NAV2: variants seen among roughly 807,000 people sequenced by gnomAD.
NAV2 encodes the protein neuron navigator 2.
Under a neutral mutation model 223.2 loss-of-function variants are expected in NAV2, and 54 were observed. That is an observed-to-expected ratio of 0.24 (90% CI 0.19 to 0.30). The LOEUF is 0.30. Among genes scored for constraint, NAV2 ranks in the 10% least tolerant of loss-of-function variants. NAV2 has a pLI of 1.00. For synonymous variants in NAV2, 1,279 were observed against 1,239.3 expected, an observed-to-expected ratio of 1.03 and a Z score of -0.67; for missense variants, 2,806 against 3,147.5, an observed-to-expected ratio of 0.89 and a Z score of 2.60.
intron 1 of NAV2, among the ~76,000 whole-genome samples, chr11:19,421,381 C>A (rs551633907): frequency 6.6e-6 from 1 of 152,236 alleles, no homozygotes; most frequent in Admixed American, 6.5e-5. Flanking sequence ...TGTGTCCATG[C>A]TGGGGGAAGG....
chr11:19,974,923 C>T (rs1050247719), intron 10 of NAV2, among the ~76,000 whole-genome samples: 18 of 152,124 alleles, frequency 1.2e-4, no homozygotes, highest in Admixed American at 2.6e-4. Flanking sequence ...ATACATCTTG[C>T]GTGTATGAAG....
At chr11:20,090,137 C>T (rs1182100060) in intron 26 of NAV2, among the ~76,000 whole-genome samples, 1 of 152,160 alleles carries the variant, frequency 6.6e-6, no homozygotes, top group East Asian at 1.9e-4. Context: ...AGATTAACAC[C>T]TTCCACGCAT....
At chr11:19,943,263 A>G (rs558498301) in intron 8 of NAV2, among the ~76,000 whole-genome samples, 6 of 152,352 alleles carry the variant, frequency 3.9e-5, no homozygotes, top group African/African-American at 1.4e-4. Context: ...CCCAGAAGGT[A>G]GATGCAGTTA....
At chr11:19,687,872 C>T (rs1309973450) in intron 1 of NAV2, among the ~76,000 whole-genome samples, 1 of 152,148 alleles carries the variant, frequency 6.6e-6, no homozygotes, top group Non-Finnish European at 1.5e-5. Context: ...AGTGCCTCAA[C>T]CTCTTGAGTT....
rs916069988 is a variant in NAV2 at position 19,364,602 on chromosome 11, C to T, written c.75+13575C>T. Among the ~76,000 whole-genome samples the T allele has an allele frequency of 5.9e-5, 9 of 152,218 alleles. 1 individual carries two copies. Among genetic ancestry groups the T allele is most frequent in the Non-Finnish European group, 1.2e-4 (8 of 68,040 alleles). ...ATATTTGTGTCCCCTGAAATGTCTA[C>T]CCAGAGCCCCTGCAGTGTCTGCTTA... On this transcript the variant is annotated intron_variant, in intron 1 of 37. Coordinates refer to the NAV2 transcript ENST00000360655.
At chr11:19,781,073 C>T (rs558446509) in intron 1 of NAV2, among the ~76,000 whole-genome samples, 1 of 152,334 alleles carries the variant, frequency 6.6e-6, no homozygotes, top group African/African-American at 2.4e-5. Context: ...ATCTTCTCTA[C>T]AATCCTCTGA....
chr11:19,800,140 C>T (rs1469701313), intron 1 of NAV2, among the ~76,000 whole-genome samples: 1 of 152,172 alleles, frequency 6.6e-6, no homozygotes, highest in South Asian at 2.1e-4. Context: ...CTCTTCTATC[C>T]ATCGCCCCCA....
intron 11 of NAV2, among the ~76,000 whole-genome samples, chr11:20,012,794 A>G (rs568293339): frequency 6.6e-6 from 1 of 152,306 alleles, no homozygotes; most frequent in Admixed American, 6.5e-5. Flanking sequence ...ATCATCCCCA[A>G]TGTGCCAATT....
intron 1 of NAV2, among the ~76,000 whole-genome samples, chr11:19,756,753 G>A (rs2054262927): frequency 6.6e-6 from 1 of 152,220 alleles, no homozygotes; most frequent in Non-Finnish European, 1.5e-5. Context: ...CAACAAATCT[G>A]CTCCTGCTGG....
intron 1 of NAV2, among the ~76,000 whole-genome samples, chr11:19,662,125 A>T (rs888492758): frequency 6.6e-6 from 1 of 152,208 alleles, no homozygotes; most frequent in African/African-American, 2.4e-5. Context: ...AATTCTTTTT[A>T]AAAATGTGTG....
chr11:19,843,430 G>T (rs1310024188), intron 3 of NAV2, among the ~76,000 whole-genome samples: 1 of 152,160 alleles, frequency 6.6e-6, no homozygotes, highest in East Asian at 1.9e-4. Flanking sequence ...CATAACCTTT[G>T]CAAGTGATAT....
At chr11:19,741,687 GTA>G (rs1156844957) in intron 1 of NAV2, among the ~76,000 whole-genome samples, 372 of 20,970 alleles carry the variant, frequency 0.018, 2 homozygotes, top group South Asian at 0.057. Flanking sequence ...GTGTGTGTGT[GTA>G]TATATATATA....
chr11:19,577,143 C>G (rs910369003), intron 1 of NAV2, among the ~76,000 whole-genome samples: 12 of 152,246 alleles, frequency 7.9e-5, no homozygotes, highest in Non-Finnish European at 1.6e-4. Flanking sequence ...ATTATCACCA[C>G]AGCCCTATGA....
chr11:19,866,997 T>C (rs1226538093), intron 3 of NAV2, among the ~76,000 whole-genome samples: 1 of 152,184 alleles, frequency 6.6e-6, no homozygotes, highest in African/African-American at 2.4e-5. Flanking sequence ...ATAATTTTAT[T>C]ATTATTTAAA....
intron 19 of NAV2, chr11:20,056,411 C>T (rs2058369459): frequency 2.7e-6 from 2 of 735,352 alleles, no homozygotes; most frequent in Non-Finnish European, 4.7e-6. Flanking sequence ...AATTTTTCAT[C>T]TCCTTTCTCA....
At chr11:19,737,584 C>G (rs189315449) in intron 1 of NAV2, among the ~76,000 whole-genome samples, 26 of 152,332 alleles carry the variant, frequency 1.7e-4, no homozygotes, top group African/African-American at 4.8e-4. Context: ...ATCCAAGAAC[C>G]ATCCTTGCTC....
Position 20,049,157 on chromosome 11 carries a change from T to G in NAV2, c.4332T>G (p.Phe1444Leu), listed in dbSNP as rs146299639. The G allele has an allele frequency of 1.9e-5, 30 of 1,611,206 alleles. No individual in the cohort carries two copies. The African/African-American group carries it at 3.6e-4, about 19-fold the overall frequency. Residue 1444 changes from phenylalanine to leucine, a missense_variant, in exon 15 of 38, where the codon TTT (phenylalanine) becomes TTG (leucine). By Grantham distance (22) the Phe-to-Leu change is conservative. Coordinates refer to ENST00000349880, the MANE Select transcript of NAV2 (RefSeq NM_145117.5). ...CCAAGGACGACTCCTTGACTCCCTT[T>G]GTCAGAACTAACAGTGTGAAGACCA... is the stretch of plus-strand genomic sequence containing the variant. ...ASSKDDSLTPFVRTNSVKTTL... is the reference protein window; with the variant it reads ...ASSKDDSLTPLVRTNSVKTTL...
At chr11:19,968,805 G>C (rs1384412703) in intron 10 of NAV2, among the ~76,000 whole-genome samples, 1 of 152,154 alleles carries the variant, frequency 6.6e-6, no homozygotes, top group Non-Finnish European at 1.5e-5. Flanking sequence ...CCATAGCTTG[G>C]CTCCTACTCT....
At chr11:19,938,975 C>T (rs1278451506) in intron 7 of NAV2, among the ~76,000 whole-genome samples, 1 of 152,180 alleles carries the variant, frequency 6.6e-6, no homozygotes, top group South Asian at 2.1e-4. Context: ...CATTTGCATG[C>T]CATGCCTGAA....
Sources: allele counts gnomAD v4.1 joint callset (sites outside exome capture counted in the v4.1 genomes callset), GRCh38; gene constraint gnomAD v4.1.1; transcripts MANE v1.5; gene names NCBI Gene and HGNC (gene_info 2026-07-23, HGNC 2026-07-21).